The following CMPK2 variants were observed in gnomAD, a reference collection of about 807,000 sequenced individuals.
CMPK2 encodes the protein cytidine/uridine monophosphate kinase 2, also known as UMP-CMP kinase 2, mitochondrial.
In CMPK2, 32 loss-of-function variants were observed where a neutral mutation model predicts 33.4. The observed-to-expected ratio is 0.96, with a 90% CI of 0.72 to 1.29. The LOEUF (loss-of-function observed/expected upper bound fraction) is 1.29, where lower values mean the gene tolerates loss of function less well. CMPK2 is among the 50% of genes most tolerant of loss of function. The pLI, the probability that CMPK2 is intolerant of heterozygous loss-of-function variation, is 0.00. For synonymous variants in CMPK2, 299 were observed against 275.3 expected (o/e 1.09, Z -0.85); for missense variants, 672 against 616.0 (o/e 1.09, Z -0.96).
chr2:6,852,286 T>C (rs1237097801), intron 3 of CMPK2, among the ~76,000 whole-genome samples: 2 of 152,254 alleles, frequency 1.3e-5, no homozygotes, highest in Non-Finnish European at 2.9e-5. Context: ...TTCTGCTGGC[T>C]GTTTTAAAAA....
At chr2:6,861,146 G>T in intron 3 of CMPK2, 38 bp downstream of exon 3, 2 of 1,416,836 alleles carry the variant, frequency 1.4e-6, no homozygotes, top group Non-Finnish European at 2.0e-6. Flanking sequence ...TTATATATTA[G>T]GGAGAAAATG....
upstream of CMPK2, chr2:6,866,297 G>T: frequency 2.6e-6 from 1 of 378,192 alleles, no homozygotes; most frequent in East Asian, 1.6e-4. Context: ...ACGCGTCCCC[G>T]CCCCTCTAAT....
chr2:6,846,185 TG>T (rs1248399368), downstream of CMPK2, among the ~76,000 whole-genome samples: 1 of 152,228 alleles, frequency 6.6e-6, no homozygotes, highest in Non-Finnish European at 1.5e-5. Flanking sequence ...AAGAGAGATT[TG>T]GGGTTTGATA....
chr2:6,859,383 G>T (rs1365901460), intron 3 of CMPK2, among the ~76,000 whole-genome samples: 6 of 152,214 alleles, frequency 3.9e-5, no homozygotes, highest in African/African-American at 1.4e-4. Flanking sequence ...TGGGGAAAAT[G>T]TCTCGAGGGC....
intron 4 of CMPK2, chr2:6,851,179 T>G: frequency 7.9e-7 from 1 of 1,267,722 alleles, no homozygotes; most frequent in Non-Finnish European, 1.0e-6. Context: ...AGACACTTAC[T>G]GTCTTACCCA....
rs552040639 is a variant in CMPK2 at position 6,843,022 on chromosome 2, G to T, written c.993-2344C>A. 2.1e-3 allele frequency among the ~76,000 whole-genome samples: 316 copies of T among 152,258 alleles called. 1 individual carries two copies. The highest frequency in any genetic ancestry group is 3.5e-3 in the Non-Finnish European group (238 of 68,024). ...AAAGTCCCTCAGTTGGGACACAGAG[G>T]GGAATATCATCTACTTATTGTAAAA... On this transcript the variant is annotated intron_variant, in intron 3 of 3. Coordinates refer to the CMPK2 transcript ENST00000458098.
At chr2:6,860,536 T>C (rs2103226135) in intron 3 of CMPK2, among the ~76,000 whole-genome samples, 1 of 152,352 alleles carries the variant, frequency 6.6e-6, no homozygotes, top group Admixed American at 6.5e-5. Flanking sequence ...GGAGTTTCCC[T>C]GCACATGCTC....
intron 1 of CMPK2, chr2:6,864,275 C>G (rs1187544340): frequency 6.6e-6 from 1 of 152,224 alleles, no homozygotes; most frequent in Non-Finnish European, 1.5e-5. Context: ...AAGAAACTTG[C>G]TCAAAGTGAC....
intron 3 of CMPK2, among the ~76,000 whole-genome samples, chr2:6,859,938 G>A (rs1662824664): frequency 6.6e-6 from 1 of 152,204 alleles, no homozygotes; most frequent in South Asian, 2.1e-4. Flanking sequence ...GCAAGGAGGG[G>A]GGCTATACCC....
At chr2:6,859,787 A>G (rs1662819373) in intron 3 of CMPK2, among the ~76,000 whole-genome samples, 1 of 152,208 alleles carries the variant, frequency 6.6e-6, no homozygotes, top group African/African-American at 2.4e-5. Context: ...TGGAGCCCCA[A>G]CACAGAGTCC....
chr2:6,846,376 G>A (rs1305983851), downstream of CMPK2, among the ~76,000 whole-genome samples: 1 of 152,192 alleles, frequency 6.6e-6, no homozygotes, highest in Non-Finnish European at 1.5e-5. Flanking sequence ...GTCTATTATT[G>A]AGGGATAGAA....
upstream of CMPK2, chr2:6,865,965 C>A: frequency 9.0e-7 from 1 of 1,113,258 alleles, no homozygotes; most frequent in South Asian, 1.6e-5. Context: ...CCCAGGTGCG[C>A]GGCTCCGCGG....
At chr2:6,854,220 A>G (rs1662618210) in intron 3 of CMPK2, among the ~76,000 whole-genome samples, 1 of 152,236 alleles carries the variant, frequency 6.6e-6, no homozygotes, top group Non-Finnish European at 1.5e-5. Flanking sequence ...TGAATTAAAT[A>G]CCTACCTATG....
In CMPK2 at chr2:6,849,506, T is replaced by A. The variant is rs1662449339; in HGVS notation, c.*344A>T. On this transcript the variant is annotated 3_prime_UTR_variant, in exon 5 of 5. Coordinates refer to ENST00000256722, the MANE Select transcript of CMPK2 (RefSeq NM_207315.4). ...CTCCCTGCTGATCTGGAAGATCTTG[T>A]CTGCTGCTTCTGTACACCTGGTGCT... 1 of 1,044,050 alleles carries A rather than the reference T, an allele frequency of 9.6e-7. No homozygotes were observed. Among genetic ancestry groups the A allele is most frequent in the Admixed American group, 5.8e-5 (1 of 17,156 alleles). The allele number at this position is 1,044,050 out of a possible 1,614,324, so 64.7% of individuals were successfully genotyped here.
At chr2:6,856,675 C>T (rs566916646) in intron 3 of CMPK2, among the ~76,000 whole-genome samples, 1 of 152,340 alleles carries the variant, frequency 6.6e-6, no homozygotes, top group African/African-American at 2.4e-5. Flanking sequence ...CTCTACTTCC[C>T]AGAGAACAAC....
In CMPK2 at chr2:6,865,863, G is replaced by T; in HGVS notation, c.-167C>A. 1 of 1,342,912 alleles carries T rather than the reference G, an allele frequency of 7.4e-7. No individual in the cohort carries two copies. The highest frequency in any genetic ancestry group is 9.5e-7 in the Non-Finnish European group (1 of 1,050,516). The allele number at this position is 1,342,912 out of a possible 1,614,324, so 83.2% of individuals were successfully genotyped here. A position where few individuals can be genotyped will look rare whatever the true frequency, so the allele number is the denominator to read the frequency against. ...GAGGCCCAGGCGGGGCAGGAGCCCTGGGGCTGGGGCGCCCTTCCGGCCTCT... is the reference window on the plus strand; with the variant it reads ...GAGGCCCAGGCGGGGCAGGAGCCCTTGGGCTGGGGCGCCCTTCCGGCCTCT... On this transcript the variant is annotated 5_prime_UTR_variant, in exon 1 of 5. Transcript: ENST00000256722.
chr2:6,843,904 A>G (rs1330193526), downstream of CMPK2, among the ~76,000 whole-genome samples: 3 of 152,224 alleles, frequency 2.0e-5, no homozygotes, highest in Non-Finnish European at 4.4e-5. Flanking sequence ...TACGTCCAGA[A>G]TCAACCAGGG....
downstream of CMPK2, among the ~76,000 whole-genome samples, chr2:6,846,612 A>G (rs547527074): frequency 6.6e-6 from 1 of 152,362 alleles, no homozygotes; most frequent in African/African-American, 2.4e-5. Context: ...TGCAATAGGA[A>G]AAGATTGCAA....
At chr2:6,851,339 T>C in intron 4 of CMPK2, 111 bp downstream of exon 4, 1 of 1,528,204 alleles carries the variant, frequency 6.5e-7, no homozygotes, top group South Asian at 1.3e-5. Context: ...GTCTCTTGTG[T>C]TTGAAAACTG....
Sources: allele counts gnomAD v4.1 joint callset (sites outside exome capture counted in the v4.1 genomes callset), GRCh38; gene constraint gnomAD v4.1.1; transcripts MANE v1.5; gene names NCBI Gene and HGNC (gene_info 2026-07-23, HGNC 2026-07-21).